Variants in MAGI2 observed in about 807,000 individuals in gnomAD.
MAGI2 encodes the protein membrane associated guanylate kinase, WW and PDZ domain containing 2, also known as membrane-associated guanylate kinase, WW and PDZ domain-containing protein 2.
MAGI2 carries 35 observed loss-of-function variants against 133.3 expected under a neutral mutation model. The observed-to-expected ratio is 0.26, with a 90% CI of 0.20 to 0.35. MAGI2 has a LOEUF of 0.35. MAGI2 is among the 10% of genes least tolerant of loss of function. MAGI2 has a pLI of 1.00. For synonymous variants in MAGI2, 729 were observed against 710.6 expected (o/e 1.03, Z -0.41); for missense variants, 1,636 against 1,863.4 (o/e 0.88, Z 2.25).
chr7:79,061,315 T>C (rs940498654), intron 1 of MAGI2, among the ~76,000 whole-genome samples: 1 of 151,994 alleles, frequency 6.6e-6, no homozygotes, highest in African/African-American at 2.4e-5. Context: ...AAAGCCTTTT[T>C]TTTTCTCGGG....
At chr7:78,924,034 A>G (rs1584406761) in intron 2 of MAGI2, among the ~76,000 whole-genome samples, 2 of 152,134 alleles carry the variant, frequency 1.3e-5, no homozygotes, top group East Asian at 3.9e-4. Context: ...TGATTTTTGT[A>G]TATTGATTTT....
In MAGI2 at chr7:78,556,055, AAGCTCTTCAATC is replaced by A. The variant is rs1218942008; in HGVS notation, c.539-34422_539-34411del. Among the ~76,000 whole-genome samples the A allele has an allele frequency of 5.3e-5, 8 of 152,198 alleles. No individual in the cohort carries two copies. The East Asian group carries it at 1.5e-3, about 29-fold the overall frequency. On this transcript the variant is annotated intron_variant, in intron 3 of 21. Coordinates refer to ENST00000354212, the MANE Select transcript of MAGI2 (RefSeq NM_012301.4). ...TTCAATATATGTTAGCATATCTGGA[AAGCTCTTCAATC>A]ATAATGCCCTATATTTGCTTACCAG...
At chr7:78,740,172 A>AAT (rs543732851) in intron 2 of MAGI2, among the ~76,000 whole-genome samples, 1 of 151,452 alleles carries the variant, frequency 6.6e-6, no homozygotes, top group Admixed American at 6.6e-5. Context: ...AAAAAAAAAA[A>AAT]CAAAAAACAA....
chr7:78,546,933 AG>A (rs1798898065), intron 3 of MAGI2, among the ~76,000 whole-genome samples: 1 of 152,238 alleles, frequency 6.6e-6, no homozygotes, highest in South Asian at 2.1e-4. Context: ...TTAAGCAACT[AG>A]TAAATACTAT....
chr7:79,352,347 C>A (rs1448714108), intron 1 of MAGI2, among the ~76,000 whole-genome samples: 2 of 152,162 alleles, frequency 1.3e-5, no homozygotes, highest in Non-Finnish European at 2.9e-5. Context: ...AAGCAGAGAC[C>A]ACTTTGAAAA....
chr7:78,281,761 T>TATCCTGAGGTATTTTCCAGG (rs1554321912), intron 9 of MAGI2, among the ~76,000 whole-genome samples: 1 of 148,760 alleles, frequency 6.7e-6, no homozygotes. Flanking sequence ...CAGGTGATAT[T>TATCCTGAGGTATTTTCCAGG]TAACCAACTT....
chr7:78,118,701 C>T (rs919571204), intron 20 of MAGI2, among the ~76,000 whole-genome samples: 1 of 152,132 alleles, frequency 6.6e-6, no homozygotes, highest in Non-Finnish European at 1.5e-5. Context: ...AATGACGGAA[C>T]CAAATGCTGA....
At chr7:79,086,196 G>T (rs1427307337) in intron 1 of MAGI2, among the ~76,000 whole-genome samples, 1 of 151,840 alleles carries the variant, frequency 6.6e-6, no homozygotes, top group African/African-American at 2.4e-5. Flanking sequence ...ATTTCCCTAA[G>T]GATGGGACAG....
chr7:78,407,415 G>GT (rs1417867145), intron 6 of MAGI2, among the ~76,000 whole-genome samples: 5 of 151,868 alleles, frequency 3.3e-5, no homozygotes, highest in East Asian at 1.9e-4. Flanking sequence ...GTTAAAAGGT[G>GT]TTTTTTTATC....
intron 2 of MAGI2, among the ~76,000 whole-genome samples, chr7:78,813,710 CG>C (rs1422163384): frequency 1.4e-5 from 2 of 144,132 alleles, no homozygotes; most frequent in Non-Finnish European, 3.0e-5. Flanking sequence ...GGCGTGAACC[CG>C]GGAGGCAGAG....
chr7:79,231,617 T>G (rs1305503267), intron 1 of MAGI2, among the ~76,000 whole-genome samples: 3 of 117,480 alleles, frequency 2.6e-5, no homozygotes, highest in African/African-American at 8.4e-5. Context: ...TGTATAAGAA[T>G]GCTTGTGATT....
At chr7:79,037,362 A>C (rs1166931204) in intron 1 of MAGI2, among the ~76,000 whole-genome samples, 1 of 152,112 alleles carries the variant, frequency 6.6e-6, no homozygotes. Flanking sequence ...CGTACTAGGA[A>C]TTGTTGCTTT....
chr7:78,528,101 T>C (rs957997643), intron 3 of MAGI2, among the ~76,000 whole-genome samples: 1 of 152,236 alleles, frequency 6.6e-6, no homozygotes, highest in Non-Finnish European at 1.5e-5. Flanking sequence ...AGCTCATCAA[T>C]GGTATTCCCA....
At chr7:78,103,396 C>A (rs1164851821) in intron 20 of MAGI2, among the ~76,000 whole-genome samples, 1 of 152,188 alleles carries the variant, frequency 6.6e-6, no homozygotes, top group African/African-American at 2.4e-5. Context: ...GGGATTGAGT[C>A]ATTTTATCAT....
intron 9 of MAGI2, among the ~76,000 whole-genome samples, chr7:78,282,420 C>G (rs971386113): frequency 1.5e-4 from 23 of 152,192 alleles, no homozygotes; most frequent in African/African-American, 5.5e-4. Context: ...ATTGGGACAG[C>G]CAACGTCATG....
At chr7:78,178,755 G>C (rs1826910784) in intron 13 of MAGI2, among the ~76,000 whole-genome samples, 2 of 152,160 alleles carry the variant, frequency 1.3e-5, no homozygotes. Flanking sequence ...CTTACAGGTA[G>C]AAATTCATCT....
chr7:79,305,693 T>G (rs1837729075), intron 1 of MAGI2, among the ~76,000 whole-genome samples: 1 of 152,122 alleles, frequency 6.6e-6, no homozygotes, highest in Non-Finnish European at 1.5e-5. Flanking sequence ...GAGGATTGCT[T>G]GACCAGGAAT....
In MAGI2 at chr7:79,233,892, A is replaced by G. The variant is rs544773547; in HGVS notation, c.301+219128T>C. Among the ~76,000 whole-genome samples the G allele has an allele frequency of 1.1e-4, 16 of 151,784 alleles. No individual in the cohort carries two copies. In the East Asian group the frequency reaches 2.7e-3, roughly 26 times the overall value. On this transcript the variant is annotated intron_variant, in intron 1 of 21. Transcript: ENST00000354212. The stretch of plus-strand genomic sequence containing the variant: ...TTGATGCAGTTTCTTCCTAGTCTTG[A>G]TGGTCTTTACATTTTGGCTTGATTT...
chr7:78,846,750 T>C (rs775655502), intron 2 of MAGI2, among the ~76,000 whole-genome samples: 1 of 152,022 alleles, frequency 6.6e-6, no homozygotes, highest in Non-Finnish European at 1.5e-5. Flanking sequence ...TCTCAGCATT[T>C]TTCTCCAGAG....
Sources: gnomAD v4.1 joint callset for allele counts (sites outside exome capture counted in the v4.1 genomes callset) on GRCh38, gnomAD v4.1.1 for gene constraint, MANE v1.5 for transcripts, NCBI Gene and HGNC (gene_info 2026-07-23, HGNC 2026-07-21) for gene names.